The following NALF1 variants were observed in gnomAD, a reference collection of about 807,000 sequenced individuals.
NALF1 encodes the protein NALCN channel auxiliary factor 1, also known as family with sequence similarity 155 member A.
Under a neutral mutation model 48.4 loss-of-function variants are expected in NALF1, and 3 were observed. The ratio of observed to expected loss-of-function variants is 0.06; its 90% CI spans 0.03 to 0.16. The LOEUF is 0.16. Ranked by LOEUF, NALF1 falls within the 10% of genes least tolerant of loss-of-function variation. The pLI is 1.00. For missense variants in NALF1, 526 were observed against 571.5 expected (o/e 0.92, Z 0.81); for synonymous variants, 262 against 245.7 (o/e 1.07, Z -0.62).
At chr13:107,335,783 C>T (rs1296889645) in intron 1 of NALF1, among the ~76,000 whole-genome samples, 1 of 152,154 alleles carries the variant, frequency 6.6e-6, no homozygotes, top group African/African-American at 2.4e-5. Context: ...CCTTTTCAGT[C>T]GATTCTATCC....
rs560894855 is a variant in NALF1 at position 107,266,086 on chromosome 13, T to A, written c.916-55331A>T. Among the ~76,000 whole-genome samples the A allele has an allele frequency of 7.9e-5, 12 of 152,288 alleles. No homozygotes were observed. In the South Asian group the frequency reaches 1.4e-3, roughly 18 times the overall value. ...GGTTAAATGCTCTTGCAAAGCAATC[T>A]AACAAAAGGCAAGGTTCAGCAATCA... is the stretch of plus-strand genomic sequence containing the variant. On this transcript the variant is annotated intron_variant, in intron 1 of 2. Transcript: ENST00000375915.
intron 1 of NALF1, among the ~76,000 whole-genome samples, chr13:107,706,918 C>CAT (rs1875388344): frequency 9.9e-6 from 1 of 101,302 alleles, no homozygotes; most frequent in East Asian, 3.2e-4. Flanking sequence ...CAAGGGCATT[C>CAT]TTTTTTTTTT....
chr13:107,539,371 G>A (rs1037029432), intron 1 of NALF1, among the ~76,000 whole-genome samples: 10 of 151,864 alleles, frequency 6.6e-5, no homozygotes, highest in African/African-American at 1.5e-4. Flanking sequence ...CCACTCCCAC[G>A]ATAATGAAAC....
chr13:107,828,603 CTAT>C (rs1879600509), intron 1 of NALF1, among the ~76,000 whole-genome samples: 17 of 36,042 alleles, frequency 4.7e-4, no homozygotes, highest in Non-Finnish European at 1.1e-3. Flanking sequence ...ATATCTATAT[CTAT>C]ACACACACAC....
chr13:107,625,209 A>G (rs947249774), intron 1 of NALF1, among the ~76,000 whole-genome samples: 4 of 152,102 alleles, frequency 2.6e-5, no homozygotes, highest in Non-Finnish European at 5.9e-5. Context: ...TTAGGTAGAC[A>G]CAGCACTAGA....
At chr13:107,361,136 A>G (rs1883053802) in intron 1 of NALF1, among the ~76,000 whole-genome samples, 1 of 152,202 alleles carries the variant, frequency 6.6e-6, no homozygotes, top group South Asian at 2.1e-4. Context: ...TCACTTCTCA[A>G]TTCATTGTCT....
At chr13:107,724,945 C>T (rs547791218) in intron 1 of NALF1, among the ~76,000 whole-genome samples, 10 of 152,188 alleles carry the variant, frequency 6.6e-5, no homozygotes, top group South Asian at 2.1e-4. Context: ...CTCAGAGGTT[C>T]GTTTCACTGA....
chr13:107,856,596 A>C (rs570184989), intron 1 of NALF1, among the ~76,000 whole-genome samples: 15 of 152,296 alleles, frequency 9.8e-5, no homozygotes, highest in African/African-American at 3.6e-4. Flanking sequence ...TAAAGTTGAA[A>C]TTGGCAAGCT....
At chr13:107,783,547 TG>T (rs1345963137) in intron 1 of NALF1, among the ~76,000 whole-genome samples, 2 of 152,210 alleles carry the variant, frequency 1.3e-5, no homozygotes, top group Non-Finnish European at 2.9e-5. Flanking sequence ...GGGATCCTGT[TG>T]ATCTGTGACC....
intron 1 of NALF1, among the ~76,000 whole-genome samples, chr13:107,534,125 T>C (rs1236520131): frequency 6.6e-6 from 1 of 152,014 alleles, no homozygotes; most frequent in Non-Finnish European, 1.5e-5. Context: ...TGGAAATGTG[T>C]GTGAGATACG....
At chr13:107,576,110 T>A (rs182576621) in intron 1 of NALF1, among the ~76,000 whole-genome samples, 66 of 152,270 alleles carry the variant, frequency 4.3e-4, no homozygotes, top group African/African-American at 1.1e-3. Flanking sequence ...AGTGACAGGA[T>A]CAAACCTCAT....
At chr13:107,514,256 C>A (rs114441658) in intron 1 of NALF1, among the ~76,000 whole-genome samples, 5,457 of 152,168 alleles carry the variant, frequency 0.036, 180 homozygotes, top group African/African-American at 0.083. Flanking sequence ...TTACAGGGAT[C>A]CTTCCAACTA....
chr13:107,512,222 G>A (rs138509626), intron 1 of NALF1, among the ~76,000 whole-genome samples: 3,004 of 152,136 alleles, frequency 0.02, 90 homozygotes, highest in African/African-American at 0.068. Context: ...GTGAAACTCC[G>A]TCTCTACTAA....
At chr13:107,458,777 C>T (rs902311020) in intron 1 of NALF1, among the ~76,000 whole-genome samples, 9 of 151,984 alleles carry the variant, frequency 5.9e-5, no homozygotes, top group African/African-American at 1.7e-4. Flanking sequence ...TAATTTTTGG[C>T]GTATGACAAA....
intron 1 of NALF1, among the ~76,000 whole-genome samples, chr13:107,545,183 G>C (rs536077518): frequency 6.6e-6 from 1 of 152,302 alleles, no homozygotes; most frequent in East Asian, 1.9e-4. Context: ...ATAAGATGAA[G>C]AAACATAAAG....
intron 1 of NALF1, among the ~76,000 whole-genome samples, chr13:107,791,486 A>G (rs1299116540): frequency 2.0e-5 from 3 of 152,192 alleles, no homozygotes; most frequent in African/African-American, 7.2e-5. Context: ...TACTTTTGTA[A>G]TTAGATATAT....
chr13:107,413,826 G>A (rs948148316), intron 1 of NALF1, among the ~76,000 whole-genome samples: 5 of 152,096 alleles, frequency 3.3e-5, no homozygotes, highest in African/African-American at 1.2e-4. Flanking sequence ...TCTCTCTGTT[G>A]CCCAGGCTGG....
intron 1 of NALF1, among the ~76,000 whole-genome samples, chr13:107,803,677 G>A (rs1424062157): frequency 6.6e-6 from 1 of 152,172 alleles, no homozygotes; most frequent in Non-Finnish European, 1.5e-5. Flanking sequence ...AGTATGGGGA[G>A]TTGCTTCATT....
intron 1 of NALF1, among the ~76,000 whole-genome samples, chr13:107,577,905 T>C (rs1311455051): frequency 1.3e-5 from 2 of 152,150 alleles, no homozygotes; most frequent in Non-Finnish European, 2.9e-5. Flanking sequence ...TACCCTTTCA[T>C]TGGTAGCCTC....
Sources: gnomAD v4.1 joint callset for allele counts (sites outside exome capture counted in the v4.1 genomes callset) on GRCh38, gnomAD v4.1.1 for gene constraint, MANE v1.5 for transcripts, NCBI Gene and HGNC (gene_info 2026-07-23, HGNC 2026-07-21) for gene names.